ZNF302: variants seen among roughly 807,000 people sequenced by gnomAD.
ZNF302 encodes the protein zinc finger protein 327.
In ZNF302, 12 loss-of-function variants were observed where a neutral mutation model predicts 10.8. The ratio of observed to expected loss-of-function variants is 1.11; its 90% CI spans 0.71 to 1.79. ZNF302 has a LOEUF of 1.79. Ranked by LOEUF, ZNF302 falls within the 40% of genes most tolerant of loss-of-function variation. The pLI is 0.00. For missense variants in ZNF302, 461 were observed against 471.1 expected, an observed-to-expected ratio of 0.98 and a Z score of 0.20; for synonymous variants, 178 against 157.5, an observed-to-expected ratio of 1.13 and a Z score of -0.98.
At position 34,677,875 on chromosome 19, in the gene ZNF302, G is replaced by C. The variant is rs2068047564; in HGVS notation, c.-297G>C. 6.6e-6 allele frequency: 1 copy of C among 152,406 alleles called. No homozygotes were observed. Among genetic ancestry groups the C allele is most frequent in the East Asian group, 1.9e-4 (1 of 5,196 alleles). The allele number at this position is 152,406 out of a possible 1,614,324, so 9.4% of individuals were successfully genotyped here. A position where few individuals can be genotyped will look rare whatever the true frequency, so the allele number is the denominator to read the frequency against. On this transcript the variant is annotated 5_prime_UTR_variant, in exon 1 of 5. Transcript: ENST00000505242. ...GACTCCGGCAAGTGTGGGTCGCGGC[G>C]ACGGCGGGGCTAAGGCCCTGGGTCC...
chr19:34,685,082 G>A lies in ZNF302; in HGVS notation c.1045G>A (p.Ala349Thr), dbSNP rs749403340. The A allele has an allele frequency of 6.2e-7, 1 of 1,613,020 alleles. No individual in the cohort carries two copies. Among genetic ancestry groups the A allele is most frequent in the South Asian group, 1.1e-5 (1 of 90,878 alleles). ...TTATGAATGTAGAGAATGTGGGAAA[G>A]CTTTCTGCTGTAGCTCACACCTTAC... Reference protein sequence around the residue: ...KPYECRECGKAFCCSSHLTQH... With the variant: ...KPYECRECGKTFCCSSHLTQH... Residue 349 changes from alanine (A) to threonine (T), a missense_variant, in exon 5 of 5, where the codon GCT becomes ACT. Transcript: ENST00000505242.
At chr19:34,684,135 T>A in intron 4 of ZNF302, 117 bp from the exon 5 acceptor site, 1 of 1,500,202 alleles carries the variant, frequency 6.7e-7, no homozygotes, top group Non-Finnish European at 8.9e-7. Flanking sequence ...CTTATCCAAT[T>A]CTCCTAATTC....
At chr19:34,675,981 C>G (rs2067923943), upstream of ZNF302, 1 of 152,132 alleles carries the variant, frequency 6.6e-6, no homozygotes, top group Non-Finnish European at 1.5e-5. Context: ...TAGTGCAGAC[C>G]CAAAGAGCAA....
In ZNF302 at chr19:34,685,815, A is replaced by C. The variant is rs1311431024; in HGVS notation, c.*578A>C. 3 of 410,660 alleles carry C rather than the reference A, an allele frequency of 7.3e-6. No individual in the cohort carries two copies. Among genetic ancestry groups the C allele is most frequent in the Non-Finnish European group, 1.3e-5 (3 of 227,876 alleles). The allele number at this position is 410,660 out of a possible 1,614,324, so 25.4% of individuals were successfully genotyped here. On this transcript the variant is annotated 3_prime_UTR_variant, in exon 5 of 5. Transcript: ENST00000505242. ...TCATATGAAGTCAATAAATGTGGGAAAGCCTTTGTCAGTATTAATCCCTTA... is the reference window on the plus strand; with the variant it reads ...TCATATGAAGTCAATAAATGTGGGACAGCCTTTGTCAGTATTAATCCCTTA...
intron 4 of ZNF302, 151 bp from the exon 5 acceptor site, chr19:34,684,099 CTA>C (rs1213006612): frequency 6.9e-7 from 1 of 1,444,668 alleles, no homozygotes; most frequent in Non-Finnish European, 9.1e-7. Flanking sequence ...GTTGTCAGAA[CTA>C]TGTGTTTTCT....
chr19:34,683,517 T>G (rs1209925030), intron 4 of ZNF302, among the ~76,000 whole-genome samples: 1 of 152,206 alleles, frequency 6.6e-6, no homozygotes, highest in Non-Finnish European at 1.5e-5. Context: ...ATTTATTCTT[T>G]CTTAATTCTA....
intron 2 of ZNF302, 36 bp from the exon 3 acceptor site, chr19:34,682,741 G>C: frequency 6.2e-7 from 1 of 1,612,194 alleles, no homozygotes; most frequent in Non-Finnish European, 8.5e-7. Context: ...AAGAGGCCTG[G>C]GCTATGGCTG....
Position 34,685,497 on chromosome 19 carries a change from G to A in ZNF302, c.*260G>A, listed in dbSNP as rs2068614267. 1.3e-6 allele frequency: 2 copies of A among 1,582,664 alleles called. No individual in the cohort carries two copies. The highest frequency in any genetic ancestry group is 1.7e-6 in the Non-Finnish European group (2 of 1,152,298). ...AAGCCATATAAATGTAGTGAGTGTGGGAAAGCTTTTAGCAAAGGCTCGAAT... is the reference window on the plus strand; with the variant it reads ...AAGCCATATAAATGTAGTGAGTGTGAGAAAGCTTTTAGCAAAGGCTCGAAT... On this transcript the variant is annotated 3_prime_UTR_variant, in exon 5 of 5. Coordinates refer to ENST00000505242, the MANE Select transcript of ZNF302 (RefSeq NM_001289187.2).
chr19:34,682,720 T>A (rs2068419552), intron 2 of ZNF302, 57 bp from the exon 3 acceptor site: 3 of 1,601,108 alleles, frequency 1.9e-6, no homozygotes, highest in African/African-American at 1.4e-5. Flanking sequence ...TTACCCCTTC[T>A]TCAGTGACAG....
chr19:34,683,853 A>G (rs192310341), intron 4 of ZNF302: 5 of 678,850 alleles, frequency 7.4e-6, no homozygotes, highest in South Asian at 5.6e-5. Flanking sequence ...GGAAGGTTGG[A>G]AAAAAAGGCT....
Position 34,685,844 on chromosome 19 carries a change from G to A in ZNF302, c.*607G>A, listed in dbSNP as rs2068632103. On this transcript the variant is annotated 3_prime_UTR_variant, in exon 5 of 5. Transcript: ENST00000505242. ...CTTTGTCAGTATTAATCCCTTAATT[G>A]ACCTAAGTATACTCACACTAGGAAA... 2 of 313,268 alleles carry A rather than the reference G, an allele frequency of 6.4e-6. No individual in the cohort carries two copies. Among genetic ancestry groups the A allele is most frequent in the Admixed American group, 4.5e-5 (1 of 22,336 alleles). The allele number at this position is 313,268 out of a possible 1,614,324, so 19.4% of individuals were successfully genotyped here.
upstream of ZNF302, chr19:34,677,351 A>T (rs1042869265): frequency 6.6e-6 from 1 of 152,134 alleles, no homozygotes; most frequent in Non-Finnish European, 1.5e-5. Flanking sequence ...GTTTTCTGGG[A>T]AATGTAATTT....
intron 4 of ZNF302, 28 bp downstream of exon 4, chr19:34,683,266 C>A: frequency 1.2e-6 from 2 of 1,612,278 alleles, no homozygotes; most frequent in South Asian, 1.1e-5. Flanking sequence ...TCATGGTGAA[C>A]GAGACAAAGG....
rs770439186 is a variant in ZNF302 at position 34,682,876 on chromosome 19, T to G, written c.109T>G (p.Tyr37Asp). Reference sequence around the variant, plus strand: ...ATACAAGGATGTGATGGTCCAGAATTATGAGAACCTGGTCTCTGTAGGTAA... The same window carrying G: ...ATACAAGGATGTGATGGTCCAGAATGATGAGAACCTGGTCTCTGTAGGTAA... The part of the protein sequence containing the change: ...DLYKDVMVQN[Y>D]ENLVSVGLSV... The change falls in exon 3 of 5, where the codon TAT becomes GAT. Residue 37 changes from tyrosine to aspartate, a missense_variant. Tyr to Asp is a radical substitution (Grantham distance 160, BLOSUM62 -3). Transcript: ENST00000505242. The G allele has an allele frequency of 4.3e-6, 7 of 1,613,714 alleles. No individual in the cohort carries two copies. The highest frequency in any genetic ancestry group is 5.9e-6 in the Non-Finnish European group (7 of 1,179,748).
upstream of ZNF302, chr19:34,677,541 G>A (rs890746396): frequency 1.4e-4 from 22 of 152,408 alleles, no homozygotes; most frequent in African/African-American, 4.3e-4. Context: ...GTTTGCCCGC[G>A]GCGCACCAGG....
At position 34,684,371 on chromosome 19, in the gene ZNF302, T is replaced by A. The variant is rs1287921921; in HGVS notation, c.334T>A (p.Ser112Thr). 6.2e-7 allele frequency: 1 copy of A among 1,602,514 alleles called. No individual in the cohort carries two copies. The highest frequency in any genetic ancestry group is 1.7e-5 in the Admixed American group (1 of 57,442). Residue 112 changes from serine to threonine, a missense_variant, in exon 5 of 5, where the codon TCT becomes ACT. Physicochemically the swap from Ser to Thr is moderately conservative, Grantham distance 58. Transcript: ENST00000505242. ...VVKQSYEFSN[S>T]NKNLEYTECD... The stretch of plus-strand genomic sequence containing the variant: ...AAAACAAAGTTATGAATTTTCAAAT[T>A]CTAATAAGAATTTGGAATATACAGA...
chr19:34,676,657 G>T (rs1300982423), upstream of ZNF302: 1 of 152,076 alleles, frequency 6.6e-6, no homozygotes, highest in African/African-American at 2.4e-5. Flanking sequence ...TCTCTCTTGG[G>T]GTCGGATCCG....
chr19:34,679,959 T>C (rs747823068), intron 2 of ZNF302: 3 of 702,440 alleles, frequency 4.3e-6, no homozygotes, highest in South Asian at 3.0e-5. Context: ...CAGGAGGGGA[T>C]GTAAGTAGCA....
At chr19:34,680,387 CG>C (rs2068279623) in intron 2 of ZNF302, among the ~76,000 whole-genome samples, 1 of 152,110 alleles carries the variant, frequency 6.6e-6, no homozygotes, top group Non-Finnish European at 1.5e-5. Flanking sequence ...CTGATCAGTA[CG>C]GTAGCCAACA....
Sources: gnomAD v4.1 joint callset for allele counts (sites outside exome capture counted in the v4.1 genomes callset) on GRCh38, gnomAD v4.1.1 for gene constraint, MANE v1.5 for transcripts, NCBI Gene and HGNC (gene_info 2026-07-23, HGNC 2026-07-21) for gene names.